Variants in ANTXR2 observed in about 807,000 individuals in gnomAD.
The protein encoded by ANTXR2 is ANTXR cell adhesion molecule 2.
In ANTXR2, 44 loss-of-function variants were observed where a neutral mutation model predicts 73.7. The observed-to-expected ratio is 0.60, with a 90% CI of 0.47 to 0.77. ANTXR2 has a LOEUF of 0.77. Ranked by LOEUF, ANTXR2 falls within the 30% of genes least tolerant of loss-of-function variation. ANTXR2 has a pLI of 0.00. For missense variants in ANTXR2, 604 were observed against 592.5 expected (o/e 1.02, Z -0.20); for synonymous variants, 217 against 205.9 (o/e 1.05, Z -0.46).
chr4:79,954,310 T>C (rs536254052), intron 16 of ANTXR2, among the ~76,000 whole-genome samples: 2 of 152,282 alleles, frequency 1.3e-5, no homozygotes, highest in South Asian at 2.1e-4. Context: ...TGAGCCACCA[T>C]GTCCAGACTT....
intron 1 of ANTXR2, 78 bp from the exon 2 acceptor site, chr4:80,071,732 CAATGCCACGAACAT>C: frequency 8.2e-7 from 1 of 1,224,278 alleles, no homozygotes; most frequent in Non-Finnish European, 1.2e-6. Context: ...GTTCCTTCTT[CAATGCCACGAACAT>C]AGGGGCACCT....
At chr4:79,978,907 T>G (rs771149525) in intron 14 of ANTXR2, among the ~76,000 whole-genome samples, 1 of 152,242 alleles carries the variant, frequency 6.6e-6, no homozygotes, top group Non-Finnish European at 1.5e-5. Context: ...TATATGAGTT[T>G]TCTTTACTTT....
chr4:79,950,137 A>G (rs906448693), intron 16 of ANTXR2, among the ~76,000 whole-genome samples: 2 of 152,118 alleles, frequency 1.3e-5, no homozygotes, highest in African/African-American at 2.4e-5. Context: ...TCATCCTAAA[A>G]CCACTGAATC....
At chr4:80,008,177 AAT>A (rs914910873) in intron 12 of ANTXR2, among the ~76,000 whole-genome samples, 19 of 152,124 alleles carry the variant, frequency 1.2e-4, no homozygotes, top group Admixed American at 7.2e-4. Flanking sequence ...AAAACTGACA[AAT>A]TATCAACTCC....
chr4:79,920,133 G>A (rs1727537569), intron 16 of ANTXR2, among the ~76,000 whole-genome samples: 1 of 151,572 alleles, frequency 6.6e-6, no homozygotes, highest in Non-Finnish European at 1.5e-5. Context: ...TAAAAGCAAT[G>A]ACAGTAAAAA....
chr4:80,036,120 G>T, intron 7 of ANTXR2, 88 bp from the exon 8 acceptor site: 1 of 1,082,102 alleles, frequency 9.2e-7, no homozygotes, highest in Non-Finnish European at 1.3e-6. Flanking sequence ...TAACCTTGAG[G>T]TCTTCTCCAT....
chr4:80,060,203 G>C (rs374303858), intron 3 of ANTXR2, among the ~76,000 whole-genome samples: 1 of 152,084 alleles, frequency 6.6e-6, no homozygotes, highest in Non-Finnish European at 1.5e-5. Context: ...ATGCACTGTG[G>C]TTCTCCACCC....
chr4:79,918,318 A>C (rs546047193), intron 16 of ANTXR2, among the ~76,000 whole-genome samples: 1 of 152,086 alleles, frequency 6.6e-6, no homozygotes, highest in African/African-American at 2.4e-5. Context: ...AGAACTTCCT[A>C]GAATTGATAG....
At chr4:79,928,628 A>T (rs1727925549) in intron 16 of ANTXR2, among the ~76,000 whole-genome samples, 1 of 152,176 alleles carries the variant, frequency 6.6e-6, no homozygotes, top group South Asian at 2.1e-4. Context: ...AGATATATAC[A>T]AATTTTAAAA....
intron 15 of ANTXR2, 100 bp from the exon 16 acceptor site, chr4:79,977,801 C>T: frequency 2.3e-6 from 3 of 1,308,956 alleles, no homozygotes; most frequent in African/African-American, 1.5e-5. Context: ...ATCTTCTTTA[C>T]CCTCATTTCT....
intron 7 of ANTXR2, among the ~76,000 whole-genome samples, chr4:80,036,613 C>T (rs1371495692): frequency 6.6e-6 from 1 of 151,896 alleles, no homozygotes; most frequent in Admixed American, 6.6e-5. Flanking sequence ...CCAGCCTGGC[C>T]AACATAGTGA....
chr4:79,986,891 T>A (rs1314403937), intron 12 of ANTXR2, among the ~76,000 whole-genome samples: 1 of 152,176 alleles, frequency 6.6e-6, no homozygotes, highest in Admixed American at 6.5e-5. Context: ...AAGCTGAGGC[T>A]TGGCCTCCTG....
In ANTXR2 at chr4:79,901,441, G is replaced by A. The variant is rs190274687; in HGVS notation, c.*5988C>T. ...GGTTTCTTTGTTTGGCATCTAAATT[G>A]TTTAAAATCACCTTGCCTTTTAGTT... On this transcript the variant is annotated 3_prime_UTR_variant, in exon 17 of 17. Coordinates refer to ENST00000403729, the MANE Select transcript of ANTXR2 (RefSeq NM_058172.6). 1.9e-3 allele frequency: 289 copies of A among 151,798 alleles called. 4 individuals carry two copies. Among genetic ancestry groups the A allele is most frequent in the African/African-American group, 6.5e-3 (269 of 41,424 alleles). 9.4% of individuals were successfully genotyped at this position (151,798 alleles called of 1,614,324 possible).
chr4:79,984,042 A>G, intron 13 of ANTXR2, 72 bp from the exon 14 acceptor site: 2 of 1,084,958 alleles, frequency 1.8e-6, no homozygotes, highest in Non-Finnish European at 2.6e-6. Context: ...ACTGGCTCAT[A>G]TTTAAATATT....
intron 7 of ANTXR2, among the ~76,000 whole-genome samples, chr4:80,046,636 C>T (rs1179484482): frequency 1.3e-5 from 2 of 151,650 alleles, no homozygotes; most frequent in Non-Finnish European, 3.0e-5. Flanking sequence ...TATATTTATT[C>T]CATTTGATTT....
intron 16 of ANTXR2, among the ~76,000 whole-genome samples, chr4:79,962,022 T>A (rs189489804): frequency 6.6e-6 from 1 of 152,134 alleles, no homozygotes; most frequent in Non-Finnish European, 1.5e-5. Flanking sequence ...AAAAAATATA[T>A]TTTTTGGTAA....
chr4:80,033,366 G>A, intron 9 of ANTXR2, 106 bp downstream of exon 9: 1 of 743,080 alleles, frequency 1.3e-6, no homozygotes, highest in East Asian at 3.0e-5. Context: ...TTTCTTCTTA[G>A]ATTAAAAAAT....
intron 11 of ANTXR2, among the ~76,000 whole-genome samples, chr4:80,017,082 T>C (rs776252006): frequency 1.9e-4 from 29 of 152,290 alleles, no homozygotes; most frequent in Non-Finnish European, 3.8e-4. Flanking sequence ...CCTTCCAAGG[T>C]CTTCCTGTTT....
intron 10 of ANTXR2, among the ~76,000 whole-genome samples, chr4:80,031,365 G>A (rs1157157099): frequency 6.6e-6 from 1 of 151,834 alleles, no homozygotes; most frequent in African/African-American, 2.4e-5. Flanking sequence ...AACCCATCCA[G>A]ATAAATATTC....
Sources: allele counts gnomAD v4.1 joint callset (sites outside exome capture counted in the v4.1 genomes callset), GRCh38; gene constraint gnomAD v4.1.1; transcripts MANE v1.5; gene names NCBI Gene and HGNC (gene_info 2026-07-23, HGNC 2026-07-21).